The following N4BP1 variants were observed in gnomAD, a reference collection of about 807,000 sequenced individuals.
The protein encoded by N4BP1 is NEDD4-binding protein 1.
In N4BP1, 21 loss-of-function variants were observed where a neutral mutation model predicts 70.9. The ratio of observed to expected loss-of-function variants is 0.30; its 90% CI spans 0.21 to 0.43. The LOEUF (loss-of-function observed/expected upper bound fraction) is 0.43, where lower values mean the gene tolerates loss of function less well. Ranked by LOEUF, N4BP1 falls within the 20% of genes least tolerant of loss-of-function variation. The pLI is 1.00. For synonymous variants in N4BP1, 387 were observed against 394.6 expected, an observed-to-expected ratio of 0.98 and a Z score of 0.23; for missense variants, 936 against 1,069.4, an observed-to-expected ratio of 0.88 and a Z score of 1.74.
rs1597086913 is a variant in N4BP1 at position 48,540,862 on chromosome 16, A to G, written c.*2042T>C. 1 of 152,230 alleles carries G rather than the reference A, an allele frequency of 6.6e-6. No individual in the cohort carries two copies. Among genetic ancestry groups the G allele is most frequent in the Non-Finnish European group, 1.5e-5 (1 of 68,046 alleles). The allele number at this position is 152,230 out of a possible 1,614,324, so 9.4% of individuals were successfully genotyped here. On this transcript the variant is annotated 3_prime_UTR_variant, in exon 7 of 7. Coordinates refer to ENST00000262384, the MANE Select transcript of N4BP1 (RefSeq NM_153029.4). Reference sequence around the variant, plus strand: ...TGATAATTTGGGTTTTTAAATATTAAATATTAAATATCAGGGGTTTCGGAA... The same window carrying G: ...TGATAATTTGGGTTTTTAAATATTAGATATTAAATATCAGGGGTTTCGGAA...
At chr16:48,571,311 A>T (rs546718505) in intron 1 of N4BP1, among the ~76,000 whole-genome samples, 10 of 152,322 alleles carry the variant, frequency 6.6e-5, no homozygotes, top group African/African-American at 2.4e-4. Flanking sequence ...TCTCCAGATG[A>T]AAGACCCTCA....
intron 1 of N4BP1, chr16:48,600,092 T>C (rs545591175): frequency 3.7e-5 from 14 of 379,292 alleles, no homozygotes; most frequent in Non-Finnish European, 6.2e-5. Context: ...GAATGAAACA[T>C]ACTGTGAATT....
intron 1 of N4BP1, among the ~76,000 whole-genome samples, chr16:48,572,636 C>T (rs1964034846): frequency 6.6e-6 from 1 of 152,058 alleles, no homozygotes; most frequent in African/African-American, 2.4e-5. Context: ...GTTATACAAT[C>T]CAAGAGTGGC....
intron 2 of N4BP1, among the ~76,000 whole-genome samples, chr16:48,559,391 A>T (rs1470444046): frequency 6.6e-6 from 1 of 152,196 alleles, no homozygotes; most frequent in East Asian, 1.9e-4. Context: ...CTTCTCTCTC[A>T]TTCCATGTCC....
intron 1 of N4BP1, among the ~76,000 whole-genome samples, chr16:48,572,948 C>T (rs1158597696): frequency 6.6e-6 from 1 of 150,484 alleles, no homozygotes. Flanking sequence ...CTGGGCAATA[C>T]AAAAAGTTAA....
rs1194799268 is a variant in N4BP1 at position 48,548,105 on chromosome 16, T to C, written c.2127A>G (p.Leu709=). Residue 709 remains leucine, a synonymous_variant, in exon 5 of 7, where the codon CTA becomes CTG. Transcript: ENST00000262384. ...RIASHDDRFL[L]HLADKTGGII... The stretch of plus-strand genomic sequence containing the variant: ...TGCCACCAGTTTTGTCCGCTAAGTG[T>C]AGTAGAAACCTATGGTAATATAAGA... 1 of 1,604,694 alleles carries C rather than the reference T, an allele frequency of 6.2e-7. No homozygotes were observed. The highest frequency in any genetic ancestry group is 8.5e-7 in the Non-Finnish European group (1 of 1,171,844).
chr16:48,553,605 G>C lies in N4BP1; in HGVS notation c.1954C>G (p.Leu652Val). The C allele has an allele frequency of 6.2e-7, 1 of 1,605,700 alleles. No individual in the cohort carries two copies. The highest frequency in any genetic ancestry group is 8.5e-7 in the Non-Finnish European group (1 of 1,176,416). ...IAIAVEYFWK[L>V]GNRNITVFVP... ...AATACAGTGATGTTTCTGTTGCCAA[G>C]CTTCCAAAAATATTCAACTGCAATT... Residue 652 changes from leucine to valine, a missense_variant, in exon 3 of 7, where the codon CTT becomes GTT. Leu to Val is a conservative substitution (Grantham distance 32, BLOSUM62 1). Transcript: ENST00000262384.
chr16:48,577,784 G>T, intron 1 of N4BP1: 1 of 159,870 alleles, frequency 6.3e-6, no homozygotes, highest in South Asian at 1.6e-4. Context: ...TTGGGTACCG[G>T]GGCCGAGATG....
At chr16:48,594,601 C>T (rs1257469583) in intron 1 of N4BP1, among the ~76,000 whole-genome samples, 1 of 152,098 alleles carries the variant, frequency 6.6e-6, no homozygotes, top group Non-Finnish European at 1.5e-5. Context: ...AGTGATCTGC[C>T]CACCTCGACC....
chr16:48,593,153 A>G (rs1964360751), intron 1 of N4BP1, among the ~76,000 whole-genome samples: 1 of 152,260 alleles, frequency 6.6e-6, no homozygotes, highest in South Asian at 2.1e-4. Context: ...GGACATGTGG[A>G]GTCAGCCAAG....
chr16:48,596,698 G>C (rs1434624293), intron 1 of N4BP1, among the ~76,000 whole-genome samples: 1 of 152,182 alleles, frequency 6.6e-6, no homozygotes. Context: ...CCTTGGCAAG[G>C]AATTCAGTTT....
In N4BP1 at chr16:48,555,313, C is replaced by G. The variant is rs186766808; in HGVS notation, c.1890-1644G>C. Among the ~76,000 whole-genome samples the G allele has an allele frequency of 3.4e-4, 51 of 152,072 alleles. 1 individual carries two copies. The highest frequency in any genetic ancestry group is 2.9e-3 in the Admixed American group (45 of 15,282). ...TGGGTTGCAGAGCCAGGGGGATGAG[C>G]TGGATCATACTCCGGCTTCCTCACG... On this transcript the variant is annotated intron_variant, in intron 2 of 6. Transcript: ENST00000262384.
At chr16:48,551,630 T>TAA (rs372509885) in intron 3 of N4BP1, 148 bp from the exon 4 acceptor site, 21 of 481,308 alleles carry the variant, frequency 4.4e-5, no homozygotes, top group African/African-American at 2.0e-4. Context: ...CACTAGGAAT[T>TAA]AAAAAAAAAA....
rs74483704 is a variant in N4BP1 at position 48,601,781 on chromosome 16, C to T, written c.198+7994G>A. Reference sequence around the variant, plus strand: ...CTGGAGTGCAGGGGTACAATCAGGGCGCACTACAGACTTGGAACTACTGGA... The same window carrying T: ...CTGGAGTGCAGGGGTACAATCAGGGTGCACTACAGACTTGGAACTACTGGA... On this transcript the variant is annotated intron_variant, in intron 1 of 6. Coordinates refer to ENST00000262384, the MANE Select transcript of N4BP1 (RefSeq NM_153029.4). Among the ~76,000 whole-genome samples the T allele has an allele frequency of 8.8e-3, 1,344 of 152,192 alleles. 22 individuals are homozygous for T. The highest frequency in any genetic ancestry group is 0.031 in the African/African-American group (1,269 of 41,522).
At chr16:48,594,360 G>A (rs1297980325) in intron 1 of N4BP1, among the ~76,000 whole-genome samples, 2 of 152,240 alleles carry the variant, frequency 1.3e-5, no homozygotes, top group East Asian at 1.9e-4. Context: ...TGAATATCCA[G>A]TGTTGCTTTT....
intron 1 of N4BP1, 69 bp downstream of exon 1, chr16:48,609,706 G>C: frequency 8.3e-6 from 10 of 1,202,382 alleles, no homozygotes; most frequent in Non-Finnish European, 1.1e-5. Context: ...CGGGGGCGGG[G>C]AGGAGCGGGA....
At chr16:48,603,235 C>T (rs1231338433) in intron 1 of N4BP1, among the ~76,000 whole-genome samples, 1 of 152,086 alleles carries the variant, frequency 6.6e-6, no homozygotes. Flanking sequence ...TAAAAATGGA[C>T]TGGGTGGTAG....
intron 2 of N4BP1, among the ~76,000 whole-genome samples, chr16:48,557,607 A>C (rs1597094449): frequency 6.6e-6 from 1 of 152,174 alleles, no homozygotes; most frequent in East Asian, 1.9e-4. Flanking sequence ...TGGCCACTGG[A>C]ATAGTAACCA....
At chr16:48,591,915 A>G (rs1964345837) in intron 1 of N4BP1, among the ~76,000 whole-genome samples, 1 of 144,454 alleles carries the variant, frequency 6.9e-6, no homozygotes, top group African/African-American at 2.6e-5. Context: ...TTTTGGGGGT[A>G]TCAGAAATTA....
Sources: gnomAD v4.1 joint callset for allele counts (sites outside exome capture counted in the v4.1 genomes callset) on GRCh38, gnomAD v4.1.1 for gene constraint, MANE v1.5 for transcripts, NCBI Gene and HGNC (gene_info 2026-07-23, HGNC 2026-07-21) for gene names.